The following KATNA1 variants were observed in gnomAD, a reference collection of about 807,000 sequenced individuals.
KATNA1 encodes katanin p60 ATPase-containing subunit A1.
KATNA1 carries 42 observed loss-of-function variants against 62.6 expected under a neutral mutation model. That is an observed-to-expected ratio of 0.67 (90% CI 0.52 to 0.87). The LOEUF is 0.87. KATNA1 is among the 40% of genes least tolerant of loss of function. KATNA1 has a pLI of 0.00. For synonymous variants in KATNA1, 186 were observed against 201.9 expected, an observed-to-expected ratio of 0.92 and a Z score of 0.67; for missense variants, 498 against 612.5, an observed-to-expected ratio of 0.81 and a Z score of 1.97.
intron 6 of KATNA1, among the ~76,000 whole-genome samples, chr6:149,602,846 C>T (rs772901071): frequency 6.6e-6 from 1 of 152,022 alleles, no homozygotes; most frequent in South Asian, 2.1e-4. Flanking sequence ...CTCAGCCTCC[C>T]GGATAGCTGG....
At chr6:149,598,871 AT>A (rs754387143) in intron 7 of KATNA1, among the ~76,000 whole-genome samples, 6 of 150,988 alleles carry the variant, frequency 4.0e-5, no homozygotes, top group East Asian at 1.9e-4. Flanking sequence ...TTATTTATTT[AT>A]TTTTTTTTAA....
rs764886457 is a variant in KATNA1, at chr6:149,594,991, A to G, written c.*45T>C. Reference sequence around the variant, plus strand: ...AGTACAATGAATTACTGCATTTAATATTCAAACACTTAAGGCACATTTCTC... The same window carrying G: ...AGTACAATGAATTACTGCATTTAATGTTCAAACACTTAAGGCACATTTCTC... On this transcript the variant is annotated 3_prime_UTR_variant, in exon 11 of 11. Coordinates refer to ENST00000367411, the MANE Select transcript of KATNA1 (RefSeq NM_007044.4). 8.2e-6 allele frequency: 12 copies of G among 1,466,952 alleles called. No individual in the cohort carries two copies. Among genetic ancestry groups the G allele is most frequent in the Non-Finnish European group, 1.1e-5 (12 of 1,050,882 alleles). 90.9% of individuals were successfully genotyped at this position (1,466,952 alleles called of 1,614,324 possible).
At chr6:149,602,920 C>T (rs550896317) in intron 6 of KATNA1, among the ~76,000 whole-genome samples, 6 of 151,924 alleles carry the variant, frequency 3.9e-5, no homozygotes, top group Admixed American at 3.9e-4. Flanking sequence ...GGGGTTTCTC[C>T]ATGTTGGTCA....
At chr6:149,601,165 CAA>C (rs1778529787) in intron 7 of KATNA1, among the ~76,000 whole-genome samples, 2 of 152,106 alleles carry the variant, frequency 1.3e-5, no homozygotes, top group South Asian at 4.1e-4. Flanking sequence ...GAACCTAATC[CAA>C]AGATTAGGTC....
At chr6:149,615,531 CA>C (rs1171478510) in intron 4 of KATNA1, among the ~76,000 whole-genome samples, 1 of 152,008 alleles carries the variant, frequency 6.6e-6, no homozygotes, top group Non-Finnish European at 1.5e-5. Context: ...AGGAAAAAGA[CA>C]GATAGGCATA....
rs139289613 is a variant in KATNA1, at chr6:149,617,154, G to A, written c.501+5949C>T. 3.4e-3 allele frequency among the ~76,000 whole-genome samples: 516 copies of A among 152,260 alleles called. 2 individuals carry two copies. Among genetic ancestry groups the A allele is most frequent in the Middle Eastern group, 0.01 (3 of 294 alleles). On this transcript the variant is annotated intron_variant, in intron 4 of 10. Transcript: ENST00000367411. ...TGGTTACCAAGGTCTGGGATGAAGG[G>A]GAGAATGATAAGAATGATGACTTTA...
chr6:149,606,617 T>C (rs1778749198), intron 4 of KATNA1, among the ~76,000 whole-genome samples: 1 of 133,916 alleles, frequency 7.5e-6, no homozygotes, highest in Non-Finnish European at 1.6e-5. Context: ...ACTGTGTAAC[T>C]TTTTTTTTTT....
At chr6:149,637,980 TG>T (rs1780134695) in intron 2 of KATNA1, among the ~76,000 whole-genome samples, 1 of 152,188 alleles carries the variant, frequency 6.6e-6, no homozygotes, top group Admixed American at 6.5e-5. Flanking sequence ...TGTTTTGTTT[TG>T]TTTTTTATTT....
Position 149,632,913 on chromosome 6 carries a change from A to G in KATNA1, c.166T>C (p.Trp56Arg). Residue 56 changes from tryptophan to arginine, a missense_variant, in exon 3 of 11, where the codon TGG (tryptophan) becomes CGG (arginine). By Grantham distance (101) the Trp-to-Arg change is moderately radical. Transcript: ENST00000367411. ...TYLQQKWQQV[W>R]QEINVEAKHV... ...TTAGCTTCCACATTTATTTCCTGCC[A>G]AACCTGATTTCAAAGAAGAAGATGG... 1 of 1,599,616 alleles carries G rather than the reference A, an allele frequency of 6.3e-7. No individual in the cohort carries two copies. The highest frequency in any genetic ancestry group is 8.5e-7 in the Non-Finnish European group (1 of 1,176,292).
rs373403206 is a variant in KATNA1, at chr6:149,597,511, C to T, written c.1146G>A (p.Pro382=). The T allele has an allele frequency of 7.6e-5, 122 of 1,613,708 alleles. No individual in the cohort carries two copies. Among genetic ancestry groups the T allele is most frequent in the East Asian group, 7.1e-4 (32 of 44,864 alleles). ...RLEKRIYIPL[P]SAKGREELLR... is the part of the protein sequence containing the mutation. ...ACAAGATTGAAAGGAAGATACCTGACGGCAAAGGAATATAGATTCGTTTCT... is the reference window on the plus strand; with the variant it reads ...ACAAGATTGAAAGGAAGATACCTGATGGCAAAGGAATATAGATTCGTTTCT... The change falls in exon 9 of 11, where the codon CCG becomes CCA. Residue 382 remains proline (P), a synonymous_variant. Transcript: ENST00000367411.
Position 149,623,135 on chromosome 6 carries a change from T to C in KATNA1, c.469A>G (p.Lys157Glu). 6.2e-7 allele frequency: 1 copy of C among 1,605,402 alleles called. No homozygotes were observed. Among genetic ancestry groups the C allele is most frequent in the South Asian group, 1.1e-5 (1 of 88,460 alleles). Residue 157 changes from lysine (K) to glutamate (E), a missense_variant, in exon 4 of 11, where the codon AAG becomes GAG. Transcript: ENST00000367411. ...DRGKAVRCRE[K>E]KEQNKGREEK... ...TCTCTTCCTTTATTCTGTTCTTTCT[T>C]TTCACGACAACGAACAGCTTTCCCT...
intron 1 of KATNA1, among the ~76,000 whole-genome samples, chr6:149,641,634 A>G (rs1780296229): frequency 6.6e-6 from 1 of 152,210 alleles, no homozygotes; most frequent in Admixed American, 6.5e-5. Flanking sequence ...ACTTATGAAC[A>G]TGGAAATCCT....
intron 4 of KATNA1, among the ~76,000 whole-genome samples, chr6:149,606,023 G>C (rs899821430): frequency 6.6e-6 from 1 of 152,136 alleles, no homozygotes; most frequent in African/African-American, 2.4e-5. Flanking sequence ...GCCTCCCAAA[G>C]TGCTGGGATT....
intron 8 of KATNA1, chr6:149,598,007 T>G (rs9322193): frequency 0.45 from 235,965 of 521,788 alleles, 61,345 homozygotes; most frequent in African/African-American, 0.8. Flanking sequence ...GTGCCCTGTG[T>G]GTGGCCATTA....
chr6:149,615,476 A>T (rs1483166139), intron 4 of KATNA1, among the ~76,000 whole-genome samples: 1 of 152,086 alleles, frequency 6.6e-6, no homozygotes, highest in Non-Finnish European at 1.5e-5. Context: ...AAGTGCTAGG[A>T]TTACAGGCAT....
chr6:149,596,536 AAAAAC>A (rs1376785001), intron 10 of KATNA1, among the ~76,000 whole-genome samples: 2 of 152,166 alleles, frequency 1.3e-5, no homozygotes, highest in African/African-American at 2.4e-5. Flanking sequence ...CTCCGTCTCA[AAAAAC>A]AAAACAAAAC....
chr6:149,615,569 CCTT>C (rs1337452998), intron 4 of KATNA1, among the ~76,000 whole-genome samples: 1 of 152,032 alleles, frequency 6.6e-6, no homozygotes, highest in Non-Finnish European at 1.5e-5. Flanking sequence ...AGAAGTCCCT[CCTT>C]ATCAGTAATT....
chr6:149,634,052 C>T (rs1779961853), intron 2 of KATNA1, among the ~76,000 whole-genome samples: 1 of 151,904 alleles, frequency 6.6e-6, no homozygotes, highest in Non-Finnish European at 1.5e-5. Flanking sequence ...GAGGGCAGAT[C>T]ACCTGAGGTC....
chr6:149,633,669 G>A (rs1383962634), intron 2 of KATNA1, among the ~76,000 whole-genome samples: 1 of 151,868 alleles, frequency 6.6e-6, no homozygotes, highest in Non-Finnish European at 1.5e-5. Flanking sequence ...GGAGATGGAG[G>A]TTGCAGAAAG....
Sources: gnomAD v4.1 joint callset for allele counts (sites outside exome capture counted in the v4.1 genomes callset) on GRCh38, gnomAD v4.1.1 for gene constraint, MANE v1.5 for transcripts, NCBI Gene and HGNC (gene_info 2026-07-23, HGNC 2026-07-21) for gene names.